The following GSAP variants were observed in gnomAD, a reference collection of about 807,000 sequenced individuals.
GSAP encodes the protein gamma-secretase-activating protein.
In GSAP, 118 loss-of-function variants were observed where a neutral mutation model predicts 131.7. The ratio of observed to expected loss-of-function variants is 0.90; its 90% CI spans 0.77 to 1.04. The LOEUF (loss-of-function observed/expected upper bound fraction) is 1.04, where lower values mean the gene tolerates loss of function less well. Ranked by LOEUF, GSAP falls within the 50% of genes least tolerant of loss-of-function variation. The pLI, the probability that GSAP is intolerant of heterozygous loss-of-function variation, is 0.00. For missense variants in GSAP, 1,019 were observed against 1,013.2 expected (o/e 1.01, Z -0.08); for synonymous variants, 381 against 363.4 (o/e 1.05, Z -0.55).
chr7:77,317,327 G>T (rs975205794), intron 26 of GSAP, among the ~76,000 whole-genome samples: 1 of 142,364 alleles, frequency 7.0e-6, no homozygotes, highest in Non-Finnish European at 1.5e-5. Flanking sequence ...TGAACAATGA[G>T]AACACTTGGA....
At chr7:77,399,303 A>G (rs1800935844) in intron 3 of GSAP, among the ~76,000 whole-genome samples, 1 of 152,212 alleles carries the variant, frequency 6.6e-6, no homozygotes, top group Admixed American at 6.5e-5. Flanking sequence ...CTTGATCCAG[A>G]GCTGGAAATA....
intron 30 of GSAP, 26 bp from the exon 31 acceptor site, chr7:77,311,475 G>A (rs1380678616): frequency 8.1e-7 from 1 of 1,241,264 alleles, no homozygotes. Flanking sequence ...GAGAGGGCAG[G>A]GAAAAAGGGT....
rs1483937352 is a variant in GSAP at position 77,397,090 on chromosome 7, A to G, written c.314-55T>C. The G allele has an allele frequency of 4.1e-5, 49 of 1,207,082 alleles. 1 individual carries two copies. Among genetic ancestry groups the G allele is most frequent in the South Asian group, 2.6e-4 (20 of 77,082 alleles). 74.8% of individuals were successfully genotyped at this position (1,207,082 alleles called of 1,614,324 possible). On this transcript the variant is annotated intron_variant, in intron 4 of 30. Coordinates refer to ENST00000257626, the MANE Select transcript of GSAP (RefSeq NM_017439.4). ...CAATTGATCCATATGGTAGCTTGTT[A>G]AAGTTTACCAGTTTAAACCTGAAAT... is the stretch of plus-strand genomic sequence containing the variant.
intron 21 of GSAP, among the ~76,000 whole-genome samples, chr7:77,328,868 T>C (rs1788689407): frequency 6.6e-6 from 1 of 152,168 alleles, no homozygotes; most frequent in Admixed American, 6.5e-5. Context: ...AGAACAACTG[T>C]AGCTCTCAGT....
intron 24 of GSAP, among the ~76,000 whole-genome samples, chr7:77,322,584 T>TG (rs1787808023): frequency 1.3e-5 from 1 of 76,938 alleles, no homozygotes; most frequent in Non-Finnish European, 2.6e-5. Context: ...TGTTGTGAGT[T>TG]TTTTTTTTTT....
At chr7:77,322,986 GTTCT>G (rs200478199) in intron 24 of GSAP, among the ~76,000 whole-genome samples, 1,856 of 152,222 alleles carry the variant, frequency 0.012, 32 homozygotes, top group African/African-American at 0.043. Flanking sequence ...ATAATGGAGT[GTTCT>G]TTCTCTTTCT....
intron 18 of GSAP, chr7:77,351,312 TATC>T (rs1792833842): frequency 5.5e-6 from 5 of 903,746 alleles, no homozygotes; most frequent in Non-Finnish European, 6.5e-6. Flanking sequence ...AATTCAGGAT[TATC>T]TATGTGTAAG....
intron 14 of GSAP, among the ~76,000 whole-genome samples, chr7:77,357,205 C>T (rs1793884765): frequency 6.6e-6 from 1 of 152,126 alleles, no homozygotes; most frequent in East Asian, 1.9e-4. Context: ...GGTGAGTAGG[C>T]TCTAGGGATG....
In GSAP at chr7:77,397,397, T is replaced by C. The variant is rs1331053383; in HGVS notation, c.262A>G (p.Lys88Glu). 1.3e-6 allele frequency: 2 copies of C among 1,598,410 alleles called. No individual in the cohort carries two copies. The highest frequency in any genetic ancestry group is 1.7e-6 in the Non-Finnish European group (2 of 1,167,580). Residue 88 changes from lysine (K) to glutamate (E), a missense_variant, in exon 4 of 31, where the codon AAA becomes GAA. Physicochemically the swap from Lys to Glu is moderately conservative, Grantham distance 56. Coordinates refer to ENST00000257626, the MANE Select transcript of GSAP (RefSeq NM_017439.4). Reference sequence around the variant, plus strand: ...GAGCAACTGAAAACTTGCAAGTCTTTCTCAAAGGTATATAGAAGCTATTAA... The same window carrying C: ...GAGCAACTGAAAACTTGCAAGTCTTCCTCAAAGGTATATAGAAGCTATTAA... ...RQNELLYTFE[K>E]DLQVFSCSVN...
intron 12 of GSAP, among the ~76,000 whole-genome samples, chr7:77,366,088 T>C (rs1425162831): frequency 2.0e-5 from 3 of 151,888 alleles, no homozygotes; most frequent in Non-Finnish European, 4.4e-5. Flanking sequence ...TTTAATGGAG[T>C]TGTTTTTGTC....
intron 6 of GSAP, among the ~76,000 whole-genome samples, 185 bp from the exon 7 acceptor site, chr7:77,382,828 C>A (rs1245253070): frequency 6.6e-6 from 1 of 152,158 alleles, no homozygotes; most frequent in African/African-American, 2.4e-5. Context: ...AGAACACTTT[C>A]AGAACCTCAG....
chr7:77,315,001 A>C (rs1271233025), intron 26 of GSAP: 3 of 152,692 alleles, frequency 2.0e-5, no homozygotes, highest in African/African-American at 7.2e-5. Flanking sequence ...CAATATGGCC[A>C]GATAGTAAAT....
At chr7:77,407,336 G>A (rs1353576037) in intron 1 of GSAP, among the ~76,000 whole-genome samples, 1 of 152,056 alleles carries the variant, frequency 6.6e-6, no homozygotes, top group Non-Finnish European at 1.5e-5. Flanking sequence ...TAATCTTCCT[G>A]TGTCCTTATA....
intron 5 of GSAP, among the ~76,000 whole-genome samples, chr7:77,388,215 C>A (rs780032710): frequency 6.6e-6 from 1 of 152,194 alleles, no homozygotes; most frequent in Non-Finnish European, 1.5e-5. Flanking sequence ...CACTCCATGC[C>A]ATTTTTAGCA....
chr7:77,330,108 G>T, intron 20 of GSAP, 131 bp downstream of exon 20: 2 of 1,071,200 alleles, frequency 1.9e-6, no homozygotes, highest in Non-Finnish European at 2.6e-6. Context: ...GATCAGTAAT[G>T]ACAATGATCA....
chr7:77,403,459 A>C (rs1164998897), intron 3 of GSAP, among the ~76,000 whole-genome samples: 1 of 152,250 alleles, frequency 6.6e-6, no homozygotes, highest in East Asian at 1.9e-4. Flanking sequence ...GATGTCTAAT[A>C]TTCAATTCTA....
Position 77,326,284 on chromosome 7 carries a change from A to T in GSAP, c.1766-11T>A, listed in dbSNP as rs561140785. ...GTGTTAATCTTGGCCCTGAAATGAA[A>T]CAGAGCAATAGTTAGGCTCTGAGCA... On this transcript the variant is annotated splice_polypyrimidine_tract_variant and intron_variant, in intron 22 of 30. Transcript: ENST00000257626. 1 of 1,601,840 alleles carries T rather than the reference A, an allele frequency of 6.2e-7. No individual in the cohort carries two copies. Among genetic ancestry groups the T allele is most frequent in the East Asian group, 2.2e-5 (1 of 44,756 alleles).
At chr7:77,346,297 AAG>A (rs1221854823) in intron 19 of GSAP, among the ~76,000 whole-genome samples, 1 of 150,994 alleles carries the variant, frequency 6.6e-6, no homozygotes, top group Non-Finnish European at 1.5e-5. Flanking sequence ...AAAAGAAAGA[AAG>A]AAAAAAAATT....
At chr7:77,410,839 G>A (rs1803133366) in intron 1 of GSAP, among the ~76,000 whole-genome samples, 1 of 152,034 alleles carries the variant, frequency 6.6e-6, no homozygotes, top group African/African-American at 2.4e-5. Context: ...TTTTGAACTA[G>A]TTCCTAATAC....
Sources: gnomAD v4.1 joint callset for allele counts (sites outside exome capture counted in the v4.1 genomes callset) on GRCh38, gnomAD v4.1.1 for gene constraint, MANE v1.5 for transcripts, NCBI Gene and HGNC (gene_info 2026-07-23, HGNC 2026-07-21) for gene names.